Variants in CLUAP1 observed in about 807,000 individuals in gnomAD.
CLUAP1 encodes clusterin-associated protein 1.
In CLUAP1, 50 loss-of-function variants were observed where a neutral mutation model predicts 55.0. That is an observed-to-expected ratio of 0.91 (90% CI 0.72 to 1.15). The LOEUF (loss-of-function observed/expected upper bound fraction) is 1.15. CLUAP1 is among the 50% of genes most tolerant of loss of function. The pLI is 0.00. For synonymous variants in CLUAP1, 195 were observed against 175.4 expected, an observed-to-expected ratio of 1.11 and a Z score of -0.88; for missense variants, 530 against 507.6, an observed-to-expected ratio of 1.04 and a Z score of -0.42.
At chr16:3,528,220 C>T (rs931453627) in intron 9 of CLUAP1, among the ~76,000 whole-genome samples, 1 of 152,136 alleles carries the variant, frequency 6.6e-6, no homozygotes, top group Non-Finnish European at 1.5e-5. Context: ...TTGCTGGTTG[C>T]CCTTTCTTTT....
chr16:3,507,545 G>C (rs2037531399), intron 3 of CLUAP1, among the ~76,000 whole-genome samples: 1 of 149,160 alleles, frequency 6.7e-6, no homozygotes, highest in Non-Finnish European at 1.5e-5. Context: ...AGGTGACAGA[G>C]TGAGACCCTA....
chr16:3,523,182 G>C lies in CLUAP1; in HGVS notation c.738G>C (p.Glu246Asp). ...SVRPCFMDEY[E>D]KTEEELQKQY... ...GGCCATGTTTTATGGATGAGTATGA[G>C]AAGACTGAGGAAGAATTACAAAAGC... Residue 246 changes from glutamate (E) to aspartate (D), a missense_variant, in exon 8 of 12, where the codon GAG becomes GAC. Coordinates refer to ENST00000576634, the MANE Select transcript of CLUAP1 (RefSeq NM_015041.3). 1 of 1,613,150 alleles carries C rather than the reference G, an allele frequency of 6.2e-7. No individual in the cohort carries two copies. Among genetic ancestry groups the C allele is most frequent in the Non-Finnish European group, 8.5e-7 (1 of 1,179,672 alleles).
Position 3,536,172 on chromosome 16 carries a change from T to C in CLUAP1, c.1143T>C (p.Asp381=). 5 of 1,614,084 alleles carry C rather than the reference T, an allele frequency of 3.1e-6. No homozygotes were observed. Among genetic ancestry groups the C allele is most frequent in the Non-Finnish European group, 4.2e-6 (5 of 1,180,028 alleles). ...EIDMEDDDDE[D]DDLEDESISL... is the part of the protein sequence containing the mutation. ...ACATGGAAGATGATGATGACGAGGA[T>C]GACGATTTGGAAGACGAGAGCATTT... is the stretch of plus-strand genomic sequence containing the variant. Residue 381 remains aspartate (D), a synonymous_variant, in exon 12 of 12, where the codon GAT becomes GAC. Transcript: ENST00000576634.
intron 9 of CLUAP1, among the ~76,000 whole-genome samples, chr16:3,529,307 ATAAT>A (rs780780496): frequency 1.6e-4 from 23 of 143,914 alleles, no homozygotes; most frequent in Non-Finnish European, 3.1e-4. Flanking sequence ...TTTTTTCCAA[ATAAT>A]TCAGATCCAT....
chr16:3,496,877 T>C (rs1412335255), upstream of CLUAP1: 3 of 294,216 alleles, frequency 1.0e-5, no homozygotes, highest in Non-Finnish European at 2.0e-5. Flanking sequence ...TCTTTTCTTT[T>C]TTTTTTTTTT....
chr16:3,535,964 A>T, intron 11 of CLUAP1, 158 bp from the exon 12 acceptor site: 1 of 732,904 alleles, frequency 1.4e-6, no homozygotes, highest in Non-Finnish European at 2.2e-6. Flanking sequence ...ACATAGCCTC[A>T]GTCCCATCTG....
chr16:3,508,396 G>A lies in CLUAP1; in HGVS notation c.327G>A (p.Lys109=), dbSNP rs2037550206. The A allele has an allele frequency of 2.5e-6, 4 of 1,602,052 alleles. No homozygotes were observed. The highest frequency in any genetic ancestry group is 3.4e-6 in the Non-Finnish European group (4 of 1,177,234). The change falls in exon 4 of 12, where the codon AAG becomes AAA. Residue 109 remains lysine (K), a synonymous_variant. Transcript: ENST00000576634. Reference sequence around the variant, plus strand: ...CATCTGTCCTTTATAATGCTATGAAGACCAAGGGGATGGAGGGCTCTGAAA... The same window carrying A: ...CATCTGTCCTTTATAATGCTATGAAAACCAAGGGGATGGAGGGCTCTGAAA... ...KITSVLYNAM[K]TKGMEGSEIV... is the part of the protein sequence containing the mutation.
At chr16:3,499,321 G>T (rs926291180), upstream of CLUAP1, among the ~76,000 whole-genome samples, 1 of 152,196 alleles carries the variant, frequency 6.6e-6, no homozygotes, top group African/African-American at 2.4e-5. Flanking sequence ...CTCCAGCCTG[G>T]GCAACAAGAG....
chr16:3,520,902 G>C (rs1465308175), intron 7 of CLUAP1, among the ~76,000 whole-genome samples: 1 of 152,008 alleles, frequency 6.6e-6, no homozygotes, highest in Non-Finnish European at 1.5e-5. Context: ...CCATGCTTCT[G>C]CTCTTTCTCC....
chr16:3,517,600 T>C (rs1255982208), intron 6 of CLUAP1, among the ~76,000 whole-genome samples: 1 of 152,122 alleles, frequency 6.6e-6, no homozygotes, highest in African/African-American at 2.4e-5. Context: ...GCATGAGGCA[T>C]TGTGCCTGGC....
chr16:3,502,669 C>T (rs896656266), intron 1 of CLUAP1, among the ~76,000 whole-genome samples: 1 of 151,828 alleles, frequency 6.6e-6, no homozygotes, highest in African/African-American at 2.4e-5. Context: ...TGAATCCTGC[C>T]CTCTGGGGTT....
chr16:3,530,420 T>C (rs2038090859), intron 9 of CLUAP1, 148 bp from the exon 10 acceptor site: 1 of 643,802 alleles, frequency 1.6e-6, no homozygotes, highest in Admixed American at 2.9e-5. Flanking sequence ...TTGATTTGCA[T>C]TGCATGGGAT....
chr16:3,537,128 A>C lies in CLUAP1; in HGVS notation c.*857A>C, dbSNP rs2151075036. On this transcript the variant is annotated 3_prime_UTR_variant, in exon 12 of 12. Coordinates refer to ENST00000576634, the MANE Select transcript of CLUAP1 (RefSeq NM_015041.3). ...CTCTAAAGGAGCTTTGTTTTGTCTA[A>C]AGTGTGGCAAGACATAGTGCACAAC... 1 of 152,338 alleles carries C rather than the reference A, an allele frequency of 6.6e-6. No homozygotes were observed. The highest frequency in any genetic ancestry group is 1.9e-4 in the East Asian group (1 of 5,190). The allele number at this position is 152,338 out of a possible 1,614,324, so 9.4% of individuals were successfully genotyped here.
intron 4 of CLUAP1, among the ~76,000 whole-genome samples, chr16:3,511,734 C>T (rs183653616): frequency 1.3e-4 from 20 of 152,298 alleles, no homozygotes; most frequent in African/African-American, 4.6e-4. Context: ...GAGACCCAGG[C>T]GTCCTGGAAT....
intron 10 of CLUAP1, among the ~76,000 whole-genome samples, chr16:3,531,212 C>T (rs1412621470): frequency 1.3e-5 from 2 of 152,092 alleles, no homozygotes; most frequent in African/African-American, 2.4e-5. Flanking sequence ...GCCCGGGCAA[C>T]ATAGAGGGGC....
At chr16:3,534,746 G>A (rs924783810) in intron 11 of CLUAP1, 2 of 152,296 alleles carry the variant, frequency 1.3e-5, no homozygotes, top group African/African-American at 4.8e-5. Context: ...AGAAAGCAGA[G>A]TTTCATTTTC....
chr16:3,530,071 G>T (rs982643134), intron 9 of CLUAP1, among the ~76,000 whole-genome samples: 4 of 149,876 alleles, frequency 2.7e-5, no homozygotes, highest in African/African-American at 4.9e-5. Context: ...GCTGCATCTT[G>T]CCGCACCATC....
upstream of CLUAP1, chr16:3,496,843 C>A: frequency 3.5e-6 from 1 of 288,866 alleles, no homozygotes; most frequent in Admixed American, 4.3e-5. Flanking sequence ...TCTCTTGTCA[C>A]AGACGACCTG....
intron 11 of CLUAP1, chr16:3,533,991 T>A (rs887752555): frequency 1.3e-5 from 2 of 152,358 alleles, no homozygotes; most frequent in East Asian, 3.9e-4. Context: ...CACTTGTTTA[T>A]TTCAAGGAGG....
Sources: gnomAD v4.1 joint callset for allele counts (sites outside exome capture counted in the v4.1 genomes callset) on GRCh38, gnomAD v4.1.1 for gene constraint, MANE v1.5 for transcripts, NCBI Gene and HGNC (gene_info 2026-07-23, HGNC 2026-07-21) for gene names.